Variants in FBXL2 observed in about 807,000 individuals in gnomAD.
The protein encoded by FBXL2 is F-box and leucine rich repeat protein 2, also known as F-box/LRR-repeat protein 2.
A neutral mutation model predicts 69.2 loss-of-function variants in FBXL2; 38 were observed. The observed-to-expected ratio is 0.55, with a 90% CI of 0.42 to 0.72. FBXL2 has a LOEUF of 0.72. FBXL2 is among the 30% of genes least tolerant of loss of function. The pLI is 0.00. For missense variants in FBXL2, 354 were observed against 520.3 expected, an observed-to-expected ratio of 0.68 and a Z score of 3.11; for synonymous variants, 192 against 201.3, an observed-to-expected ratio of 0.95 and a Z score of 0.39.
At chr3:33,315,480 T>C (rs1461383072) in intron 2 of FBXL2, among the ~76,000 whole-genome samples, 1 of 151,764 alleles carries the variant, frequency 6.6e-6, no homozygotes, top group Non-Finnish European at 1.5e-5. Context: ...TTTCCAAAGT[T>C]GGAAAAGCAA....
chr3:33,411,113 G>A, the FBXL2 span, among the ~76,000 whole-genome samples: 2 of 151,542 alleles, frequency 1.3e-5, no homozygotes, highest in Admixed American at 1.3e-4. Flanking sequence ...TAACTAAAAG[G>A]GGGCGGAAAC....
At position 33,277,494 on chromosome 3, in the gene FBXL2, C is replaced by A. The variant is rs773313982; in HGVS notation, c.-19C>A. On this transcript the variant is annotated 5_prime_UTR_variant, in exon 1 of 15. Transcript: ENST00000484457. ...GCCGTGTGACTTCGGGCTGTGGGCT[C>A]GCTCGCGGCTCTTCGGCCATGGTGA... 1.2e-5 allele frequency: 15 copies of A among 1,295,958 alleles called. No individual in the cohort carries two copies. Among genetic ancestry groups the A allele is most frequent in the Middle Eastern group, 2.1e-4 (1 of 4,876 alleles). 80.3% of individuals were successfully genotyped at this position (1,295,958 alleles called of 1,614,324 possible).
chr3:33,369,711 C>T (rs1463248147), intron 5 of FBXL2, among the ~76,000 whole-genome samples: 2 of 152,220 alleles, frequency 1.3e-5, no homozygotes, highest in Middle Eastern at 3.4e-3. Flanking sequence ...CTCCCAGGTT[C>T]AAGTGATTCT....
intron 14 of FBXL2, among the ~76,000 whole-genome samples, chr3:33,384,438 G>A (rs1018178840): frequency 2.6e-5 from 4 of 152,178 alleles, no homozygotes; most frequent in Admixed American, 2.0e-4. Context: ...GTGGGCACCT[G>A]TAATCCCAGC....
chr3:33,398,216 AATAGCCACTTACATATGTAGAAG>A (rs998948476), intron 12 of FBXL2: 2 of 152,242 alleles, frequency 1.3e-5, no homozygotes, highest in African/African-American at 4.8e-5. Flanking sequence ...CCATATGATA[AATAGCCACTTACATATGTAGAAG>A]ATAATGGAGT....
At chr3:33,330,463 C>T (rs900920375) in intron 2 of FBXL2, among the ~76,000 whole-genome samples, 2 of 152,084 alleles carry the variant, frequency 1.3e-5, no homozygotes, top group African/African-American at 4.8e-5. Flanking sequence ...TAACAATAAT[C>T]TATTGTGTAT....
At chr3:33,299,331 T>C (rs1196022816) in intron 2 of FBXL2, among the ~76,000 whole-genome samples, 2 of 152,136 alleles carry the variant, frequency 1.3e-5, no homozygotes, top group Non-Finnish European at 2.9e-5. Flanking sequence ...CGTGAGCCAC[T>C]GCGCCCGGCC....
At chr3:33,321,502 A>C (rs2038214151) in intron 2 of FBXL2, among the ~76,000 whole-genome samples, 2 of 152,322 alleles carry the variant, frequency 1.3e-5, no homozygotes, top group Admixed American at 6.5e-5. Flanking sequence ...ATTGGCAAAA[A>C]TTAAGAAATG....
chr3:33,351,983 T>G (rs868648983), intron 2 of FBXL2, among the ~76,000 whole-genome samples: 9 of 142,584 alleles, frequency 6.3e-5, no homozygotes, highest in African/African-American at 2.4e-4. Flanking sequence ...AAAAAAAAAG[T>G]TAATATGGAG....
intron 10 of FBXL2, 34 bp downstream of exon 10, chr3:33,375,452 G>C: frequency 6.3e-7 from 1 of 1,599,780 alleles, no homozygotes; most frequent in Non-Finnish European, 8.6e-7. Context: ...TTGCAGCTCA[G>C]AGTTTGGCTG....
chr3:33,293,472 G>A (rs1054185758), intron 1 of FBXL2, among the ~76,000 whole-genome samples: 2 of 152,138 alleles, frequency 1.3e-5, no homozygotes, highest in African/African-American at 4.8e-5. Context: ...ACTCTTTTGG[G>A]AAATTAGATT....
chr3:33,326,622 A>G (rs777979582), intron 2 of FBXL2, among the ~76,000 whole-genome samples: 1 of 152,244 alleles, frequency 6.6e-6, no homozygotes, highest in Non-Finnish European at 1.5e-5. Context: ...TTGCTTAAAG[A>G]ACACATCAAT....
upstream of FBXL2, among the ~76,000 whole-genome samples, chr3:33,277,268 A>G (rs1341210561): frequency 1.3e-5 from 2 of 151,622 alleles, no homozygotes; most frequent in African/African-American, 4.8e-5. Context: ...CAAGGTGATC[A>G]GACTGAGAGG....
downstream of FBXL2, among the ~76,000 whole-genome samples, chr3:33,408,419 G>A (rs1158883550): frequency 6.6e-6 from 1 of 152,094 alleles, no homozygotes; most frequent in African/African-American, 2.4e-5. Context: ...AAGGAGTCAG[G>A]GAGGGAATAC....
At chr3:33,411,499 A>T in the FBXL2 span, 1 of 1,179,090 alleles carries the variant, frequency 8.5e-7, no homozygotes, top group Non-Finnish European at 1.3e-6. Flanking sequence ...ATTTAAAGGA[A>T]ATGATACTGT....
chr3:33,335,129 A>G (rs9862034), intron 2 of FBXL2, among the ~76,000 whole-genome samples: 1,555 of 151,772 alleles, frequency 0.01, 21 homozygotes, highest in African/African-American at 0.036. Context: ...TAAGAAGAAG[A>G]ATACTCACTG....
At chr3:33,404,531 C>T (rs2044364323), downstream of FBXL2, among the ~76,000 whole-genome samples, 1 of 150,702 alleles carries the variant, frequency 6.6e-6, no homozygotes, top group Non-Finnish European at 1.5e-5. Context: ...CCTGTAGTCA[C>T]AGCTACTTGG....
At chr3:33,393,595 A>AT in intron 12 of FBXL2, 1 of 714,162 alleles carries the variant, frequency 1.4e-6, no homozygotes, top group Non-Finnish European at 2.0e-6. Context: ...GGAATAAACT[A>AT]TTTCTTTCCC....
chr3:33,374,423 A>G (rs2042503065), intron 9 of FBXL2, among the ~76,000 whole-genome samples: 1 of 152,240 alleles, frequency 6.6e-6, no homozygotes, highest in Admixed American at 6.5e-5. Context: ...CTCCACTGCC[A>G]TTGTAAATGT....
Sources: gnomAD v4.1 joint callset for allele counts (sites outside exome capture counted in the v4.1 genomes callset) on GRCh38, gnomAD v4.1.1 for gene constraint, MANE v1.5 for transcripts, NCBI Gene and HGNC (gene_info 2026-07-23, HGNC 2026-07-21) for gene names.